Variants in CRACD observed in about 807,000 individuals in gnomAD.
The protein encoded by CRACD is capping protein-inhibiting regulator of actin dynamics.
A neutral mutation model predicts 106.8 loss-of-function variants in CRACD; 56 were observed. The observed-to-expected ratio is 0.52, with a 90% CI of 0.42 to 0.66. CRACD has a LOEUF of 0.66. CRACD is among the 30% of genes least tolerant of loss of function. The pLI, the probability that CRACD is intolerant of heterozygous loss-of-function variation, is 0.00. For synonymous variants in CRACD, 754 were observed against 670.8 expected (o/e 1.12, Z -1.92); for missense variants, 1,730 against 1,623.2 (o/e 1.07, Z -1.13).
At chr4:56,058,388 C>G (rs984256345) in intron 1 of CRACD, among the ~76,000 whole-genome samples, 2 of 152,148 alleles carry the variant, frequency 1.3e-5, no homozygotes, top group Non-Finnish European at 2.9e-5. Flanking sequence ...TTTGAGTGAG[C>G]CTTGATGGAC....
intron 1 of CRACD, among the ~76,000 whole-genome samples, chr4:56,128,703 G>A (rs1019830641): frequency 5.9e-5 from 9 of 152,182 alleles, no homozygotes; most frequent in South Asian, 2.1e-4. Flanking sequence ...GGAATTTGAC[G>A]CCAACCTGGG....
intron 1 of CRACD, among the ~76,000 whole-genome samples, chr4:56,074,910 T>G (rs1310096611): frequency 6.6e-6 from 1 of 152,226 alleles, no homozygotes; most frequent in Non-Finnish European, 1.5e-5. Flanking sequence ...TATTGAATTT[T>G]ATCGAAGGCC....
At chr4:56,317,618 A>G (rs1279541789) in intron 8 of CRACD, among the ~76,000 whole-genome samples, 1 of 152,174 alleles carries the variant, frequency 6.6e-6, no homozygotes, top group Admixed American at 6.5e-5. Context: ...TCTGGGCAGT[A>G]GTGGCACCAT....
chr4:56,273,740 G>A (rs1742506014), intron 3 of CRACD, among the ~76,000 whole-genome samples: 1 of 152,138 alleles, frequency 6.6e-6, no homozygotes, highest in Admixed American at 6.5e-5. Flanking sequence ...TTCTTCACTT[G>A]ACTGTCAGTT....
At chr4:56,303,703 C>T (rs920711395) in intron 4 of CRACD, among the ~76,000 whole-genome samples, 8 of 152,200 alleles carry the variant, frequency 5.3e-5, no homozygotes, top group African/African-American at 7.2e-5. Flanking sequence ...ACAGGGAGAG[C>T]CTGTAGGGGC....
intron 2 of CRACD, among the ~76,000 whole-genome samples, chr4:56,201,779 G>A (rs17807056): frequency 0.033 from 5,025 of 152,278 alleles, 120 homozygotes; most frequent in Admixed American, 0.055. Context: ...CATGAACTAT[G>A]AGAGTGTAAT....
chr4:56,221,506 G>A (rs566494914), intron 2 of CRACD, among the ~76,000 whole-genome samples: 586 of 151,852 alleles, frequency 3.9e-3, no homozygotes, highest in Middle Eastern at 6.8e-3. Context: ...TAAATAAATG[G>A]GACATAATTA....
At chr4:56,216,232 T>C (rs958498673) in intron 2 of CRACD, 13 of 152,246 alleles carry the variant, frequency 8.5e-5, no homozygotes, top group African/African-American at 3.1e-4. Flanking sequence ...GCATGATAAC[T>C]AACTCATCTT....
chr4:56,259,817 C>T (rs993325270), intron 2 of CRACD, among the ~76,000 whole-genome samples: 1 of 152,112 alleles, frequency 6.6e-6, no homozygotes, highest in African/African-American at 2.4e-5. Context: ...GTCCTGATTA[C>T]TAAGGGTAAG....
intron 2 of CRACD, among the ~76,000 whole-genome samples, chr4:56,269,134 G>A (rs887815449): frequency 6.6e-6 from 1 of 152,164 alleles, no homozygotes; most frequent in African/African-American, 2.4e-5. Flanking sequence ...TGTAATCCCA[G>A]CACTTTGGGA....
intron 2 of CRACD, among the ~76,000 whole-genome samples, chr4:56,263,353 A>G (rs1209611564): frequency 6.6e-6 from 1 of 152,216 alleles, no homozygotes; most frequent in African/African-American, 2.4e-5. Flanking sequence ...AACATGGTGT[A>G]TTAGTTTGTG....
chr4:56,124,456 A>G (rs1200828903), intron 1 of CRACD, among the ~76,000 whole-genome samples: 4 of 152,210 alleles, frequency 2.6e-5, no homozygotes, highest in Non-Finnish European at 5.9e-5. Context: ...TTATCAGAAC[A>G]GGACTCTTTT....
intron 2 of CRACD, among the ~76,000 whole-genome samples, chr4:56,263,795 G>A (rs1409044815): frequency 2.6e-5 from 4 of 152,200 alleles, no homozygotes; most frequent in Admixed American, 6.5e-5. Context: ...ACAGAAGCTG[G>A]AGGAAGGTGT....
At chr4:56,117,017 ATTT>A (rs751420774) in intron 1 of CRACD, among the ~76,000 whole-genome samples, 1 of 96,244 alleles carries the variant, frequency 1.0e-5, no homozygotes, top group Non-Finnish European at 2.2e-5. Context: ...CGAATTTTTA[ATTT>A]TTTTTTTTTT....
intron 1 of CRACD, among the ~76,000 whole-genome samples, chr4:56,050,820 A>T (rs1036689121): frequency 3.9e-5 from 6 of 152,360 alleles, no homozygotes; most frequent in African/African-American, 1.4e-4. Flanking sequence ...CATTGTATTC[A>T]AAAGCTTAAT....
intron 1 of CRACD, among the ~76,000 whole-genome samples, chr4:56,059,043 G>A (rs1732180281): frequency 6.6e-6 from 1 of 151,902 alleles, no homozygotes; most frequent in Non-Finnish European, 1.5e-5. Context: ...AAACAACCCC[G>A]GTTGATCCTA....
intron 1 of CRACD, among the ~76,000 whole-genome samples, 155 bp from the exon 2 acceptor site, chr4:56,179,129 A>C (rs993767695): frequency 1.3e-5 from 2 of 151,066 alleles, no homozygotes; most frequent in African/African-American, 2.4e-5. Context: ...GTGCAAATCG[A>C]ATGTTGGTAA....
chr4:56,101,760 C>CA (rs60106850), intron 1 of CRACD, among the ~76,000 whole-genome samples: 27,651 of 102,780 alleles, frequency 0.27, 3,339 homozygotes, highest in Middle Eastern at 0.35. Context: ...AAGACTGTCT[C>CA]AAAAAAAAAA....
At chr4:56,253,948 A>G (rs1741193542) in intron 2 of CRACD, among the ~76,000 whole-genome samples, 1 of 152,202 alleles carries the variant, frequency 6.6e-6, no homozygotes, top group Non-Finnish European at 1.5e-5. Context: ...TCACTATTCA[A>G]AGAGGCAATA....
Sources: gnomAD v4.1 joint callset for allele counts (sites outside exome capture counted in the v4.1 genomes callset) on GRCh38, gnomAD v4.1.1 for gene constraint, MANE v1.5 for transcripts, NCBI Gene and HGNC (gene_info 2026-07-23, HGNC 2026-07-21) for gene names.